The following IL23R variants were observed in gnomAD, a reference collection of about 807,000 sequenced individuals.
IL23R encodes interleukin-23 receptor.
Under a neutral mutation model 56.9 loss-of-function variants are expected in IL23R, and 34 were observed. That is an observed-to-expected ratio of 0.60 (90% CI 0.45 to 0.80). IL23R has a LOEUF of 0.80. Among genes scored for constraint, IL23R ranks in the 30% least tolerant of loss-of-function variants. The pLI is 0.00. For synonymous variants in IL23R, 230 were observed against 249.2 expected (o/e 0.92, Z 0.73); for missense variants, 635 against 730.0 (o/e 0.87, Z 1.50).
chr1:67,263,132 T>C (rs68110918), downstream of IL23R, among the ~76,000 whole-genome samples: 6 of 139,600 alleles, frequency 4.3e-5, no homozygotes, highest in South Asian at 2.2e-4. Flanking sequence ...TTTTTTTTTT[T>C]AACAGGTCAC....
chr1:67,238,649 A>C (rs1343152), intron 8 of IL23R, among the ~76,000 whole-genome samples: 51,314 of 151,942 alleles, frequency 0.34, 9,753 homozygotes, highest in East Asian at 0.73. Flanking sequence ...GTTTAATTCA[A>C]ACCCAGGTAT....
intron 9 of IL23R, among the ~76,000 whole-genome samples, chr1:67,245,586 G>A (rs750635311): frequency 1.3e-5 from 2 of 152,136 alleles, no homozygotes; most frequent in Non-Finnish European, 2.9e-5. Flanking sequence ...TTCATCATTA[G>A]TTCTGTTTAT....
intron 7 of IL23R, among the ~76,000 whole-genome samples, chr1:67,234,058 G>A (rs1651295314): frequency 6.6e-6 from 1 of 151,472 alleles, no homozygotes; most frequent in East Asian, 1.9e-4. Context: ...TAAAAGGATG[G>A]GATTAGGGAT....
chr1:67,210,658 T>C (rs771259879), intron 6 of IL23R, among the ~76,000 whole-genome samples: 154 of 152,052 alleles, frequency 1.0e-3, no homozygotes, highest in Non-Finnish European at 1.7e-3. Context: ...TTTTTGTAGA[T>C]TCTTGCCATG....
rs1204035835 is a variant in IL23R at position 67,206,839 on chromosome 1, G to A, written c.653-71G>A. 4.9e-5 allele frequency: 72 copies of A among 1,459,066 alleles called. No individual in the cohort carries two copies. In the South Asian group the frequency reaches 6.3e-4, roughly 13 times the overall value. 90.4% of individuals were successfully genotyped at this position (1,459,066 alleles called of 1,614,324 possible). On this transcript the variant is annotated intron_variant, in intron 5 of 10. Transcript: ENST00000347310. Reference sequence around the variant, plus strand: ...AGCTTTCTCATATCTAGATATTGACGAAAAGATGCCAGTTTCTCCCTAGGC... The same window carrying A: ...AGCTTTCTCATATCTAGATATTGACAAAAAGATGCCAGTTTCTCCCTAGGC...
intron 7 of IL23R, among the ~76,000 whole-genome samples, chr1:67,224,190 G>A (rs906971848): frequency 8.5e-5 from 13 of 152,122 alleles, no homozygotes; most frequent in African/African-American, 2.9e-4. Context: ...AAATTACATT[G>A]CATCATACAT....
intron 8 of IL23R, among the ~76,000 whole-genome samples, chr1:67,237,192 G>A (rs999220936): frequency 5.9e-5 from 9 of 152,062 alleles, no homozygotes; most frequent in East Asian, 1.9e-4. Flanking sequence ...ACAGGCATCC[G>A]CCATCACGCC....
Position 67,219,330 on chromosome 1 carries a change from C to T in IL23R, c.799-244C>T, listed in dbSNP as rs535051914. Among the ~76,000 whole-genome samples, 72 of 151,964 alleles carry T rather than the reference C, an allele frequency of 4.7e-4. 1 individual carries two copies. Among genetic ancestry groups the T allele is most frequent in the Non-Finnish European group, 7.8e-4 (53 of 67,990 alleles). ...TTGCAGTGAACTGAGATCGAGCCAC[C>T]GCACTCCAGCCTGGGCAATAGAGCG... On this transcript the variant is annotated intron_variant, in intron 6 of 10. Transcript: ENST00000347310.
intron 1 of IL23R, among the ~76,000 whole-genome samples, chr1:67,147,473 T>TGTATCACCTGAGGTCGGGA (rs1553279887): frequency 1.3e-5 from 2 of 151,932 alleles, no homozygotes; most frequent in African/African-American, 4.8e-5. Flanking sequence ...CCGAGGCAGG[T>TGTATCACCTGAGGTCGGGA]GTATCACCTG....
chr1:67,196,607 A>T (rs988953987), intron 4 of IL23R, among the ~76,000 whole-genome samples: 2 of 152,176 alleles, frequency 1.3e-5, no homozygotes, highest in Non-Finnish European at 2.9e-5. Context: ...TTTCAAGGTT[A>T]CTTTCCTTCT....
upstream of IL23R, among the ~76,000 whole-genome samples, chr1:67,163,205 A>T (rs939687436): frequency 3.3e-5 from 5 of 152,136 alleles, no homozygotes; most frequent in Non-Finnish European, 7.3e-5. Context: ...GTGGTGACTC[A>T]TGCCTGTAAT....
intron 4 of IL23R, among the ~76,000 whole-genome samples, chr1:67,186,768 G>A (rs1400368879): frequency 2.0e-5 from 3 of 151,938 alleles, no homozygotes; most frequent in Admixed American, 6.6e-5. Flanking sequence ...ACAGGTGCAC[G>A]CCACCACGCC....
intron 3 of IL23R, among the ~76,000 whole-genome samples, chr1:67,176,539 G>C (rs1292581096): frequency 6.6e-6 from 1 of 151,988 alleles, no homozygotes; most frequent in Non-Finnish European, 1.5e-5. Context: ...GTGAAAAGTT[G>C]ATAAGTTTAA....
chr1:67,154,929 G>GT (rs1558217841), intron 1 of IL23R, among the ~76,000 whole-genome samples: 1 of 152,092 alleles, frequency 6.6e-6, no homozygotes, highest in African/African-American at 2.4e-5. Context: ...GCTGGTACTG[G>GT]TTTTTTTCTT....
chr1:67,178,032 A>G (rs769195650), intron 3 of IL23R, among the ~76,000 whole-genome samples: 1 of 151,944 alleles, frequency 6.6e-6, no homozygotes, highest in Non-Finnish European at 1.5e-5. Flanking sequence ...CTTGTAGTAT[A>G]GTTTGAAGTC....
intron 9 of IL23R, among the ~76,000 whole-genome samples, chr1:67,251,654 A>T (rs578125904): frequency 6.6e-6 from 1 of 152,224 alleles, no homozygotes; most frequent in African/African-American, 2.4e-5. Context: ...AGAAAGGAAA[A>T]TTCAAGACAA....
At chr1:67,223,817 T>A (rs2100250136) in intron 7 of IL23R, among the ~76,000 whole-genome samples, 1 of 152,336 alleles carries the variant, frequency 6.6e-6, no homozygotes, top group African/African-American at 2.4e-5. Flanking sequence ...CCTACCTAAA[T>A]AACATCTAGG....
At chr1:67,145,868 G>C (rs1217455049) in intron 1 of IL23R, among the ~76,000 whole-genome samples, 2 of 152,132 alleles carry the variant, frequency 1.3e-5, no homozygotes, top group Non-Finnish European at 2.9e-5. Flanking sequence ...TCTGTGGTTG[G>C]TTTCAATCAA....
At chr1:67,144,218 A>G (rs992892677) in intron 1 of IL23R, among the ~76,000 whole-genome samples, 1 of 152,188 alleles carries the variant, frequency 6.6e-6, no homozygotes, top group Non-Finnish European at 1.5e-5. Flanking sequence ...CCTATTCTAG[A>G]TTCACGAAAT....
Sources: allele counts gnomAD v4.1 joint callset (sites outside exome capture counted in the v4.1 genomes callset), GRCh38; gene constraint gnomAD v4.1.1; transcripts MANE v1.5; gene names NCBI Gene and HGNC (gene_info 2026-07-23, HGNC 2026-07-21).